NELL2: variants seen among roughly 807,000 people sequenced by gnomAD.
The protein encoded by NELL2 is neural EGFL like 2.
In NELL2, 41 loss-of-function variants were observed where a neutral mutation model predicts 109.6. The observed-to-expected ratio is 0.37, with a 90% CI of 0.29 to 0.49. NELL2 has a LOEUF of 0.49. NELL2 is among the 20% of genes least tolerant of loss of function. NELL2 has a pLI of 0.98. For missense variants in NELL2, 900 were observed against 1,008.3 expected (o/e 0.89, Z 1.45); for synonymous variants, 355 against 344.7 (o/e 1.03, Z -0.33).
chr12:44,781,601 C>A (rs958235482), intron 3 of NELL2, among the ~76,000 whole-genome samples: 1 of 152,016 alleles, frequency 6.6e-6, no homozygotes, highest in African/African-American at 2.4e-5. Context: ...CAAGCCATAT[C>A]ATAATTAATC....
intron 18 of NELL2, among the ~76,000 whole-genome samples, chr12:44,521,540 AAAG>A (rs931073569): frequency 5.3e-5 from 8 of 151,314 alleles, no homozygotes; most frequent in South Asian, 2.1e-4. Context: ...AAAAAAAAAA[AAAG>A]AAGGTTGCGG....
At chr12:44,559,380 T>A (rs1943382834) in intron 15 of NELL2, among the ~76,000 whole-genome samples, 1 of 152,130 alleles carries the variant, frequency 6.6e-6, no homozygotes, top group African/African-American at 2.4e-5. Flanking sequence ...AGACACAGAC[T>A]AGCAAATTGG....
At chr12:44,885,973 C>A (rs115578831) in intron 1 of NELL2, among the ~76,000 whole-genome samples, 2,279 of 150,624 alleles carry the variant, frequency 0.015, 112 homozygotes, top group African/African-American at 0.053. Context: ...TAGGAATAGA[C>A]ATATATATAT....
At chr12:44,561,611 T>G (rs941676512) in intron 15 of NELL2, among the ~76,000 whole-genome samples, 3 of 152,020 alleles carry the variant, frequency 2.0e-5, no homozygotes, top group Non-Finnish European at 4.4e-5. Context: ...ACAACTTACA[T>G]GGGATGTGAA....
intron 9 of NELL2, among the ~76,000 whole-genome samples, chr12:44,724,465 C>G (rs1938960271): frequency 6.6e-6 from 1 of 151,848 alleles, no homozygotes; most frequent in African/African-American, 2.4e-5. Flanking sequence ...CCAACAAGAA[C>G]CAAAGTGAGA....
At chr12:44,842,244 G>T (rs1020559331) in intron 2 of NELL2, among the ~76,000 whole-genome samples, 1 of 152,142 alleles carries the variant, frequency 6.6e-6, no homozygotes, top group South Asian at 2.1e-4. Flanking sequence ...TAATAACCAG[G>T]ATAGTGTGGT....
intron 1 of NELL2, among the ~76,000 whole-genome samples, chr12:44,920,406 C>G (rs1366287518): frequency 6.6e-6 from 1 of 152,058 alleles, no homozygotes; most frequent in Non-Finnish European, 1.5e-5. Flanking sequence ...AAAGAATTGT[C>G]ACTAAAAAGA....
At chr12:44,655,793 TA>T (rs2136323259) in intron 13 of NELL2, among the ~76,000 whole-genome samples, 1 of 152,334 alleles carries the variant, frequency 6.6e-6, no homozygotes, top group African/African-American at 2.4e-5. Flanking sequence ...AATTACTTAA[TA>T]AGTAACATTG....
At chr12:44,716,959 G>T (rs1938522230) in intron 9 of NELL2, among the ~76,000 whole-genome samples, 1 of 152,048 alleles carries the variant, frequency 6.6e-6, no homozygotes, top group Non-Finnish European at 1.5e-5. Context: ...TGGGACAATA[G>T]GGCACCAAAT....
intron 1 of NELL2, among the ~76,000 whole-genome samples, chr12:44,905,734 C>A (rs1945712135): frequency 1.3e-5 from 2 of 152,164 alleles, no homozygotes; most frequent in African/African-American, 4.8e-5. Context: ...AATCATCCAC[C>A]ATCTGACTAG....
chr12:44,750,287 A>T (rs1278053648), intron 9 of NELL2, among the ~76,000 whole-genome samples: 2 of 152,202 alleles, frequency 1.3e-5, no homozygotes, highest in Non-Finnish European at 2.9e-5. Flanking sequence ...GCCCATAATT[A>T]CCTAGCAGGT....
intron 19 of NELL2, among the ~76,000 whole-genome samples, chr12:44,518,063 CAT>C (rs2138973852): frequency 6.6e-6 from 1 of 152,100 alleles, no homozygotes; most frequent in Admixed American, 6.5e-5. Flanking sequence ...TTTTATGACT[CAT>C]ATTTAATAAC....
chr12:44,919,382 T>TAG (rs1945852651), intron 1 of NELL2, among the ~76,000 whole-genome samples: 1 of 151,956 alleles, frequency 6.6e-6, no homozygotes, highest in African/African-American at 2.4e-5. Flanking sequence ...CCAATAACCG[T>TAG]ATGTTGAATG....
chr12:44,609,875 A>T (rs1223569748), intron 14 of NELL2, among the ~76,000 whole-genome samples: 1 of 152,060 alleles, frequency 6.6e-6, no homozygotes, highest in South Asian at 2.1e-4. Flanking sequence ...GAGATAAAGG[A>T]CACGGTATAT....
chr12:44,875,267 C>A lies in NELL2; in HGVS notation c.142G>T (p.Val48Phe). The change falls in exon 2 of 20, where the codon GTC (valine) becomes TTC (phenylalanine). Residue 48 changes from valine (V) to phenylalanine (F), a missense_variant. By Grantham distance (50) the Val-to-Phe change is conservative (BLOSUM62 -1). Around this residue, in one of 4 missense-constraint regions of NELL2, gnomAD observed 200 missense variants for 191.8 expected, o/e 1.04. Coordinates refer to ENST00000429094, the MANE Select transcript of NELL2 (RefSeq NM_001145108.2). The stretch of plus-strand genomic sequence containing the variant: ...TTCGTCCCATTATGCAGCCCCGGGA[C>A]CTGACGCACTCCGGTCGTGGACTCC... ...LGESTTGVRQ[V>F]PGLHNGTKAF... The A allele has an allele frequency of 6.2e-7, 1 of 1,614,090 alleles. No individual in the cohort carries two copies.
chr12:44,509,018 T>C, intron 19 of NELL2, 34 bp from the exon 20 acceptor site: 1 of 1,579,414 alleles, frequency 6.3e-7, no homozygotes, highest in South Asian at 1.1e-5. Context: ...AAAAACAGTA[T>C]GAATTTTTAA....
chr12:44,687,069 T>C (rs1002592752), intron 12 of NELL2, among the ~76,000 whole-genome samples: 6 of 152,186 alleles, frequency 3.9e-5, no homozygotes, highest in Non-Finnish European at 5.9e-5. Context: ...TCCACGGGCA[T>C]AGGACCCTCC....
At chr12:44,610,422 T>C (rs1370959789) in intron 14 of NELL2, among the ~76,000 whole-genome samples, 1 of 151,716 alleles carries the variant, frequency 6.6e-6, no homozygotes, top group East Asian at 1.9e-4. Context: ...AAAAGGAAGG[T>C]TCAACGAAAT....
At chr12:44,547,682 C>T (rs1385284175) in intron 15 of NELL2, among the ~76,000 whole-genome samples, 1 of 152,046 alleles carries the variant, frequency 6.6e-6, no homozygotes, top group African/African-American at 2.4e-5. Context: ...TGTATGTGCT[C>T]CTTACATAAA....
Sources: gnomAD v4.1 joint callset for allele counts (sites outside exome capture counted in the v4.1 genomes callset) on GRCh38, gnomAD v4.1.1 for gene constraint, gnomAD v4.1.1 regional missense constraint, MANE v1.5 for transcripts, NCBI Gene and HGNC (gene_info 2026-07-23, HGNC 2026-07-21) for gene names.